The following KIAA1217 variants were observed in gnomAD, a reference collection of about 807,000 sequenced individuals.
KIAA1217 encodes KIAA1217.
A neutral mutation model predicts 163.9 loss-of-function variants in KIAA1217; 88 were observed. The observed-to-expected ratio is 0.54, with a 90% CI of 0.45 to 0.64. The LOEUF (loss-of-function observed/expected upper bound fraction) is 0.64. Ranked by LOEUF, KIAA1217 falls within the 30% of genes least tolerant of loss-of-function variation. The probability of loss-of-function intolerance (pLI) is 0.00; values close to 1 mark genes in which losing one functional copy is unlikely to be tolerated. For synonymous variants in KIAA1217, 903 were observed against 923.1 expected (o/e 0.98, Z 0.39); for missense variants, 2,372 against 2,475.0 (o/e 0.96, Z 0.88).
intron 2 of KIAA1217, among the ~76,000 whole-genome samples, chr10:24,166,184 C>T (rs1228304585): frequency 1.3e-5 from 2 of 151,752 alleles, no homozygotes; most frequent in African/African-American, 4.8e-5. Flanking sequence ...AAACACCACC[C>T]TCATTTCCTC....
chr10:24,347,772 TC>T (rs369331954), intron 2 of KIAA1217, among the ~76,000 whole-genome samples: 5 of 152,196 alleles, frequency 3.3e-5, no homozygotes, highest in South Asian at 2.1e-4. Flanking sequence ...GAGGTTTTTT[TC>T]CCCCCAGCTT....
At chr10:24,541,323 G>A (rs2075041446) in intron 17 of KIAA1217, among the ~76,000 whole-genome samples, 1 of 151,912 alleles carries the variant, frequency 6.6e-6, no homozygotes, top group Non-Finnish European at 1.5e-5. Flanking sequence ...CTTGTTTGGG[G>A]GCTTCCTGGG....
intron 3 of KIAA1217, among the ~76,000 whole-genome samples, chr10:24,398,340 T>C (rs1022018776): frequency 6.6e-6 from 1 of 151,874 alleles, no homozygotes; most frequent in African/African-American, 2.4e-5. Flanking sequence ...GGAGGAGGGG[T>C]TGGTCTTGCT....
intron 1 of KIAA1217, among the ~76,000 whole-genome samples, chr10:23,896,667 A>T (rs921281975): frequency 5.3e-5 from 8 of 152,094 alleles, no homozygotes; most frequent in African/African-American, 1.7e-4. Flanking sequence ...TGAAGGAGGC[A>T]TCCTAAAGGT....
At chr10:24,094,436 T>C (rs1007708460) in intron 2 of KIAA1217, among the ~76,000 whole-genome samples, 3 of 152,198 alleles carry the variant, frequency 2.0e-5, no homozygotes, top group Non-Finnish European at 4.4e-5. Flanking sequence ...TGTTTGTTAG[T>C]TTTCCCTCTA....
Position 23,817,430 on chromosome 10 carries a change from C to A in KIAA1217, c.-321+122196C>A, listed in dbSNP as rs7893697. Among the ~76,000 whole-genome samples the A allele has an allele frequency of 6.9e-3, 1,046 of 152,030 alleles. 14 individuals are homozygous for A. The highest frequency in any genetic ancestry group is 0.024 in the African/African-American group (1,010 of 41,460). ...TATTTGGCAATTCTATCATAAAATC[C>A]TGGAACGTTTGAGCTGGGATATACT... On this transcript the variant is annotated intron_variant, in intron 1 of 18. Coordinates refer to the KIAA1217 transcript ENST00000376462.
At chr10:24,441,072 A>G (rs1168062862) in intron 5 of KIAA1217, among the ~76,000 whole-genome samples, 1 of 152,254 alleles carries the variant, frequency 6.6e-6, no homozygotes, top group Non-Finnish European at 1.5e-5. Context: ...GAACAGAAAC[A>G]GAGAACAGAG....
At chr10:23,975,376 T>G (rs1290706506) in intron 1 of KIAA1217, among the ~76,000 whole-genome samples, 1 of 152,244 alleles carries the variant, frequency 6.6e-6, no homozygotes, top group East Asian at 1.9e-4. Context: ...TATCTGAAAT[T>G]AAGATTTCAA....
At chr10:23,818,950 C>A (rs1384209017) in intron 1 of KIAA1217, among the ~76,000 whole-genome samples, 4 of 152,292 alleles carry the variant, frequency 2.6e-5, no homozygotes, top group Non-Finnish European at 5.9e-5. Context: ...TTAATAAAAT[C>A]TCCCTTATGT....
At chr10:24,286,895 T>C (rs2078596319) in intron 2 of KIAA1217, among the ~76,000 whole-genome samples, 1 of 152,200 alleles carries the variant, frequency 6.6e-6, no homozygotes, top group South Asian at 2.1e-4. Flanking sequence ...AAAGGGTACC[T>C]GGTCAGCGCA....
chr10:24,025,418 G>A (rs564473544), intron 2 of KIAA1217, among the ~76,000 whole-genome samples: 29 of 151,792 alleles, frequency 1.9e-4, no homozygotes, highest in African/African-American at 6.7e-4. Context: ...AATTGTAGCT[G>A]TATAAGATTT....
chr10:23,794,324 T>C (rs1280436393), intron 1 of KIAA1217, among the ~76,000 whole-genome samples: 1 of 152,162 alleles, frequency 6.6e-6, no homozygotes, highest in Non-Finnish European at 1.5e-5. Context: ...GGGGTAAAAA[T>C]CTTTCATATA....
At chr10:24,278,854 C>CTTTTT (rs11288814) in intron 2 of KIAA1217, among the ~76,000 whole-genome samples, 12 of 140,844 alleles carry the variant, frequency 8.5e-5, no homozygotes, top group Non-Finnish European at 7.6e-5. Flanking sequence ...ACTCAGATTA[C>CTTTTT]TTTTTTTTTT....
chr10:24,520,061 C>G (rs1436885361), intron 10 of KIAA1217, 62 bp from the exon 11 acceptor site: 2 of 1,541,674 alleles, frequency 1.3e-6, no homozygotes, highest in Non-Finnish European at 1.8e-6. Context: ...GCACTCGGCC[C>G]CTCCTCTTCC....
At chr10:23,812,586 G>A (rs573306537) in intron 1 of KIAA1217, among the ~76,000 whole-genome samples, 3 of 152,046 alleles carry the variant, frequency 2.0e-5, no homozygotes, top group East Asian at 3.9e-4. Flanking sequence ...GTAGTTTTTG[G>A]TGTATTCCCA....
intron 1 of KIAA1217, among the ~76,000 whole-genome samples, chr10:23,762,676 A>G (rs1834319638): frequency 6.6e-6 from 1 of 152,238 alleles, no homozygotes; most frequent in South Asian, 2.1e-4. Context: ...GAATGGGCAA[A>G]GGCTGGAAGC....
At chr10:23,835,365 ATT>A (rs138808738) in intron 1 of KIAA1217, among the ~76,000 whole-genome samples, 2 of 151,112 alleles carry the variant, frequency 1.3e-5, no homozygotes, top group African/African-American at 4.9e-5. Flanking sequence ...AAATGGAGTG[ATT>A]TTTTTTTGGC....
intron 2 of KIAA1217, among the ~76,000 whole-genome samples, chr10:24,146,755 A>T (rs1003162017): frequency 6.6e-6 from 1 of 152,158 alleles, no homozygotes. Flanking sequence ...TGCTGTGCTG[A>T]TGGAAGGAGA....
intron 1 of KIAA1217, among the ~76,000 whole-genome samples, chr10:23,971,849 T>A (rs1845330177): frequency 6.6e-6 from 1 of 152,180 alleles, no homozygotes; most frequent in Non-Finnish European, 1.5e-5. Context: ...CTCTGAAAAC[T>A]GCTACCTGGA....
Sources: allele counts gnomAD v4.1 joint callset (sites outside exome capture counted in the v4.1 genomes callset), GRCh38; gene constraint gnomAD v4.1.1; transcripts MANE v1.5; gene names NCBI Gene and HGNC (gene_info 2026-07-23, HGNC 2026-07-21).